Variants in MAP4K5 observed in about 807,000 individuals in gnomAD.
MAP4K5 encodes the protein MAPK/ERK kinase kinase kinase 5.
A neutral mutation model predicts 135.6 loss-of-function variants in MAP4K5; 82 were observed. The ratio of observed to expected loss-of-function variants is 0.60; its 90% confidence interval spans 0.51 to 0.73. The LOEUF (loss-of-function observed/expected upper bound fraction) is 0.73, where lower values mean the gene tolerates loss of function less well. Among genes scored for constraint, MAP4K5 ranks in the 30% least tolerant of loss-of-function variants. The pLI, the probability that MAP4K5 is intolerant of heterozygous loss-of-function variation, is 0.00. For synonymous variants in MAP4K5, 347 were observed against 335.0 expected (o/e 1.04, Z -0.39); for missense variants, 907 against 1,010.9 (o/e 0.90, Z 1.39).
At chr14:50,458,949 C>T (rs959598414) in intron 13 of MAP4K5, among the ~76,000 whole-genome samples, 1 of 152,092 alleles carries the variant, frequency 6.6e-6, no homozygotes, top group Non-Finnish European at 1.5e-5. Context: ...GTTGGGACTA[C>T]AGGAACCCAC....
chr14:50,553,648 A>G (rs2140163715), intron 1 of MAP4K5, among the ~76,000 whole-genome samples: 1 of 152,346 alleles, frequency 6.6e-6, no homozygotes, highest in African/African-American at 2.4e-5. Flanking sequence ...AGATGAATGC[A>G]CACGCATGTT....
chr14:50,437,936 G>A lies in MAP4K5; in HGVS notation c.1781C>T (p.Ala594Val). The A allele has an allele frequency of 6.2e-7, 1 of 1,612,346 alleles. No homozygotes were observed. The highest frequency in any genetic ancestry group is 8.5e-7 in the Non-Finnish European group (1 of 1,178,754). ...TGGAAACCTGTGAGTTTGAATATGG[G>A]CAGCTAATCCTGGTTTTTTGGCATG... The part of the protein sequence containing the change: ...FEHAKKPGLA[A>V]HIQTHRFPDR... The change falls in exon 25 of 33, where the codon GCC (alanine) becomes GTC (valine). Residue 594 changes from alanine to valine, a missense_variant. Physicochemically the swap from Ala to Val is moderately conservative, Grantham distance 64. Coordinates refer to ENST00000682126, the MANE Select transcript of MAP4K5 (RefSeq NM_006575.6).
intron 3 of MAP4K5, among the ~76,000 whole-genome samples, chr14:50,502,523 T>C (rs1412538859): frequency 6.6e-6 from 1 of 152,054 alleles, no homozygotes; most frequent in African/African-American, 2.4e-5. Context: ...CCTAAAGACC[T>C]GAATAAGAAA....
chr14:50,560,161 G>A, intron 1 of MAP4K5: 1 of 1,387,810 alleles, frequency 7.2e-7, no homozygotes, highest in Non-Finnish European at 1.0e-6. Context: ...TGAGCGAACT[G>A]CGCCCAGCGC....
chr14:50,490,565 C>T (rs1435105441), intron 3 of MAP4K5, among the ~76,000 whole-genome samples: 4 of 152,178 alleles, frequency 2.6e-5, no homozygotes. Flanking sequence ...TGTACAAGTA[C>T]AAGATCCTGA....
chr14:50,524,940 C>A (rs1214637814), intron 2 of MAP4K5, among the ~76,000 whole-genome samples: 1 of 152,174 alleles, frequency 6.6e-6, no homozygotes, highest in Non-Finnish European at 1.5e-5. Context: ...TGATAGAGAT[C>A]ATCTCTTGAA....
intron 31 of MAP4K5, among the ~76,000 whole-genome samples, chr14:50,424,390 A>G (rs1451890808): frequency 6.6e-6 from 1 of 152,156 alleles, no homozygotes; most frequent in Non-Finnish European, 1.5e-5. Flanking sequence ...GGATGAGAAC[A>G]TAAACTGAAA....
chr14:50,487,835 T>C (rs1436795471), intron 3 of MAP4K5, among the ~76,000 whole-genome samples: 1 of 152,148 alleles, frequency 6.6e-6, no homozygotes, highest in African/African-American at 2.4e-5. Context: ...TTCTTTTATA[T>C]CACTCCTCCA....
At chr14:50,439,333 T>TAAAAAAAAAAAAAA (rs377755870) in intron 23 of MAP4K5, among the ~76,000 whole-genome samples, 1 of 90,356 alleles carries the variant, frequency 1.1e-5, no homozygotes, top group African/African-American at 4.1e-5. Context: ...AGGTAAGAAT[T>TAAAAAAAAAAAAAA]AAAAAAAAAA....
At chr14:50,531,835 G>C in intron 2 of MAP4K5, 107 bp downstream of exon 2, 1 of 852,252 alleles carries the variant, frequency 1.2e-6, no homozygotes, top group East Asian at 2.7e-5. Context: ...CTCCCCAAGA[G>C]GCAACAATAA....
Position 50,437,490 on chromosome 14 carries a change from T to A in MAP4K5, c.1868A>T (p.His623Leu). 6.2e-7 allele frequency: 1 copy of A among 1,601,908 alleles called. No individual in the cohort carries two copies. The highest frequency in any genetic ancestry group is 1.7e-5 in the Admixed American group (1 of 57,204). The change falls in exon 26 of 33, where the codon CAC (histidine) becomes CTC (leucine). Residue 623 changes from histidine to leucine, a missense_variant. Around this residue, in one of 3 missense-constraint regions of MAP4K5, gnomAD observed 690 missense variants for 777.4 expected, o/e 0.89. Transcript: ENST00000682126. ...CATTTACTCACCTATGCAACATTTG[T>A]GGCAGCCTTTTGTATCAGGAATCTT... ...TTKIPDTKGC[H>L]KCCIVRNPYT...
chr14:50,553,461 G>C (rs905015081), intron 1 of MAP4K5, among the ~76,000 whole-genome samples: 1 of 152,008 alleles, frequency 6.6e-6, no homozygotes, highest in Non-Finnish European at 1.5e-5. Context: ...ATAGATGTTG[G>C]CATGGATGTG....
rs1211849872 is a variant in MAP4K5, at chr14:50,447,463, T to A, written c.1093A>T (p.Asn365Tyr). 1.3e-6 allele frequency: 2 copies of A among 1,549,512 alleles called. No individual in the cohort carries two copies. The highest frequency in any genetic ancestry group is 1.7e-6 in the Non-Finnish European group (2 of 1,144,396). Residue 365 changes from asparagine (N) to tyrosine (Y), a missense_variant, in exon 16 of 33, where the codon AAT becomes TAT. Physicochemically the swap from Asn to Tyr is moderately radical, Grantham distance 143 (BLOSUM62 -2). Around this residue, in one of 3 missense-constraint regions of MAP4K5, gnomAD observed 690 missense variants for 777.4 expected, o/e 0.89. Transcript: ENST00000682126. Reference sequence around the variant, plus strand: ...AAAGGATTCCACTGTAACATGAAATTTGGGTCTGATGACAATCCCTGTAAA... The same window carrying A: ...AAAGGATTCCACTGTAACATGAAATATGGGTCTGATGACAATCCCTGTAAA... ...RDEMGLSSDP[N>Y]FMLQWNPFVD...
At chr14:50,496,381 ATG>A (rs1448015599) in intron 3 of MAP4K5, among the ~76,000 whole-genome samples, 1 of 152,140 alleles carries the variant, frequency 6.6e-6, no homozygotes, top group Non-Finnish European at 1.5e-5. Context: ...GGTAAAGTTT[ATG>A]TGTTTTTTAC....
chr14:50,448,141 AGGAGCTG>A (rs1345800506), intron 15 of MAP4K5, among the ~76,000 whole-genome samples: 13 of 152,070 alleles, frequency 8.5e-5, no homozygotes, highest in African/African-American at 2.9e-4. Flanking sequence ...CAGCCTCCTG[AGGAGCTG>A]GGTTTATAGG....
chr14:50,478,047 A>G (rs1326198165), intron 6 of MAP4K5, among the ~76,000 whole-genome samples: 1 of 152,016 alleles, frequency 6.6e-6, no homozygotes, highest in Admixed American at 6.6e-5. Context: ...TCTTTCTTAT[A>G]TGTCTGGTAG....
chr14:50,474,186 AC>A (rs1219978605), intron 9 of MAP4K5, among the ~76,000 whole-genome samples: 21 of 152,158 alleles, frequency 1.4e-4, no homozygotes, highest in Admixed American at 1.2e-3. Flanking sequence ...TGAGTTTTAG[AC>A]CAGCCCAGGA....
At chr14:50,496,663 C>T (rs1217442917) in intron 3 of MAP4K5, among the ~76,000 whole-genome samples, 7 of 151,784 alleles carry the variant, frequency 4.6e-5, no homozygotes, top group Non-Finnish European at 1.0e-4. Flanking sequence ...AGCAGGCTGC[C>T]GTGCTCTGCT....
intron 3 of MAP4K5, among the ~76,000 whole-genome samples, chr14:50,486,685 C>A (rs555791063): frequency 6.6e-6 from 1 of 152,192 alleles, no homozygotes; most frequent in East Asian, 1.9e-4. Flanking sequence ...AATTCCAGCA[C>A]CTTGGGAGGC....
Sources: allele counts gnomAD v4.1 joint callset (sites outside exome capture counted in the v4.1 genomes callset), GRCh38; gene constraint gnomAD v4.1.1; regional missense constraint gnomAD v4.1.1; transcripts MANE v1.5; gene names NCBI Gene and HGNC (gene_info 2026-07-23, HGNC 2026-07-21).